TNN: variants seen among roughly 807,000 people sequenced by gnomAD.
TNN encodes tenascin N, also known as tenascin-N.
A neutral mutation model predicts 134.4 loss-of-function variants in TNN; 122 were observed. That is an observed-to-expected ratio of 0.91 (90% CI 0.78 to 1.06). The LOEUF is 1.06. Among genes scored for constraint, TNN ranks in the 50% least tolerant of loss-of-function variants. The probability of loss-of-function intolerance (pLI) is 0.00; values close to 1 mark genes in which losing one functional copy is unlikely to be tolerated. For synonymous variants in TNN, 710 were observed against 670.3 expected, an observed-to-expected ratio of 1.06 and a Z score of -0.91; for missense variants, 1,739 against 1,699.4, an observed-to-expected ratio of 1.02 and a Z score of -0.41.
At chr1:175,080,930 G>GACCT (rs1316220071) in intron 4 of TNN, among the ~76,000 whole-genome samples, 1 of 152,222 alleles carries the variant, frequency 6.6e-6, no homozygotes, top group Non-Finnish European at 1.5e-5. Context: ...GCATCAATAA[G>GACCT]GATACTCTCC....
chr1:175,087,350 C>T (rs1674341873), intron 6 of TNN, among the ~76,000 whole-genome samples: 2 of 152,152 alleles, frequency 1.3e-5, no homozygotes, highest in Admixed American at 1.3e-4. Context: ...GTGTTGAGTA[C>T]ATTTGCACTT....
intron 10 of TNN, among the ~76,000 whole-genome samples, 196 bp from the exon 11 acceptor site, chr1:175,118,365 G>A (rs1675240051): frequency 6.6e-6 from 1 of 152,118 alleles, no homozygotes; most frequent in Non-Finnish European, 1.5e-5. Flanking sequence ...CTGATCTATT[G>A]TGCTTTCTAC....
intron 1 of TNN, among the ~76,000 whole-genome samples, chr1:175,072,838 G>T (rs1279618720): frequency 6.6e-6 from 1 of 151,884 alleles, no homozygotes; most frequent in East Asian, 1.9e-4. Flanking sequence ...GGGACTTGTG[G>T]GAGTTCTCAT....
intron 18 of TNN, 61 bp downstream of exon 18, chr1:175,144,611 G>T (rs879073041): frequency 1.3e-6 from 2 of 1,554,950 alleles, no homozygotes; most frequent in Non-Finnish European, 8.7e-7. Flanking sequence ...CTTCCAAATG[G>T]ACACCCTCCA....
chr1:175,099,341 G>A (rs1175485105), intron 9 of TNN, among the ~76,000 whole-genome samples: 1 of 151,588 alleles, frequency 6.6e-6, no homozygotes, highest in East Asian at 1.9e-4. Flanking sequence ...GTGAGGACGG[G>A]CAGAAGTGAA....
intron 18 of TNN, among the ~76,000 whole-genome samples, chr1:175,145,914 T>C (rs1337890455): frequency 6.6e-6 from 1 of 152,152 alleles, no homozygotes; most frequent in Admixed American, 6.5e-5. Context: ...CCACAAACGC[T>C]GAGTCCCCAT....
At position 175,118,690 on chromosome 1, in the gene TNN, G is replaced by C. The variant is rs1374411606; in HGVS notation, c.2516G>C (p.Arg839Thr). The change falls in exon 11 of 19, where the codon AGG becomes ACG. Residue 839 changes from arginine to threonine, a missense_variant. Transcript: ENST00000239462. ...VHYTSANGET[R>T]EVPVGKEQSS... ...TACACGTCTGCCAACGGAGAGACCA[G>C]GGAGGTTCCAGTGGGGAAGGAGCAG... 2 of 1,614,258 alleles carry C rather than the reference G, an allele frequency of 1.2e-6. No individual in the cohort carries two copies. Among genetic ancestry groups the C allele is most frequent in the East Asian group, 4.5e-5 (2 of 44,888 alleles).
intron 10 of TNN, among the ~76,000 whole-genome samples, chr1:175,117,874 G>T (rs370620066): frequency 5.3e-5 from 8 of 152,326 alleles, no homozygotes; most frequent in African/African-American, 1.9e-4. Flanking sequence ...GATAAGGATA[G>T]CTCCTACGTT....
intron 10 of TNN, among the ~76,000 whole-genome samples, chr1:175,117,821 C>G (rs1447255795): frequency 6.6e-6 from 1 of 152,160 alleles, no homozygotes; most frequent in Non-Finnish European, 1.5e-5. Context: ...GGAGCGTATT[C>G]CTCTTGTTGA....
chr1:175,094,181 G>T lies in TNN; in HGVS notation c.1516G>T (p.Ala506Ser). ...TVLTGLKPGE[A>S]YKVYVWAERG... ...CCTGACGGGCCTGAAGCCAGGAGAGGCATACAAGGTCTACGTGTGGGCTGA... is the reference window on the plus strand; with the variant it reads ...CCTGACGGGCCTGAAGCCAGGAGAGTCATACAAGGTCTACGTGTGGGCTGA... The change falls in exon 7 of 19, where the codon GCA (alanine) becomes TCA (serine). Residue 506 changes from alanine to serine, a missense_variant. Ala to Ser is a moderately conservative substitution (Grantham distance 99). Coordinates refer to ENST00000239462, the MANE Select transcript of TNN (RefSeq NM_022093.2). The T allele has an allele frequency of 6.2e-7, 1 of 1,614,120 alleles. No individual in the cohort carries two copies. The highest frequency in any genetic ancestry group is 8.5e-7 in the Non-Finnish European group (1 of 1,179,998).
chr1:175,136,958 C>T lies in TNN; in HGVS notation c.3565C>T (p.Leu1189=), dbSNP rs767352038. 1 of 1,614,106 alleles carries T rather than the reference C, an allele frequency of 6.2e-7. No homozygotes were observed. Among genetic ancestry groups the T allele is most frequent in the Non-Finnish European group, 8.5e-7 (1 of 1,179,994 alleles). The change falls in exon 17 of 19, where the codon CTG becomes TTG. Residue 1189 remains leucine, a synonymous_variant. Transcript: ENST00000239462. ...GGCCTCCAGCAAGGAGCGGTATAAG[C>T]TGACAGTTGGGAAATACAGAGGCAC... is the stretch of plus-strand genomic sequence containing the variant. The part of the protein sequence containing the change: ...QVASSKERYK[L]TVGKYRGTAG...
intron 6 of TNN, among the ~76,000 whole-genome samples, chr1:175,087,356 C>G (rs1214307954): frequency 2.6e-5 from 4 of 152,186 alleles, no homozygotes; most frequent in African/African-American, 9.7e-5. Flanking sequence ...AGTACATTTG[C>G]ACTTTTCTCA....
At position 175,128,154 on chromosome 1, in the gene TNN, C is replaced by T. The variant is rs1675578535; in HGVS notation, c.3168C>T (p.Thr1056=). The change falls in exon 14 of 19, where the codon ACC becomes ACT. Residue 1056 remains threonine, a synonymous_variant. Transcript: ENST00000239462. The part of the protein sequence containing the change: ...GGRRSRNVST[T]LSTVGARFPH... ...GCCGGAGCAGAAATGTATCCACCAC[C>T]CTCTCCACAGGTAATATGGAATCCT... is the stretch of plus-strand genomic sequence containing the variant. The T allele has an allele frequency of 3.1e-6, 5 of 1,605,802 alleles. No individual in the cohort carries two copies. The highest frequency in any genetic ancestry group is 4.3e-6 in the Non-Finnish European group (5 of 1,176,092).
chr1:175,121,396 G>A (rs1675372471), intron 11 of TNN, among the ~76,000 whole-genome samples: 2 of 152,254 alleles, frequency 1.3e-5, no homozygotes. Context: ...GAGGGTGGAA[G>A]AGCAAGTGGC....
chr1:175,077,238 A>C, intron 1 of TNN, 146 bp from the exon 2 acceptor site: 4 of 671,432 alleles, frequency 6.0e-6, no homozygotes, highest in Non-Finnish European at 1.0e-5. Context: ...AACAGAAAGT[A>C]ATTTGGTTCG....
chr1:175,099,695 C>T (rs558551445), intron 9 of TNN, among the ~76,000 whole-genome samples: 2 of 151,880 alleles, frequency 1.3e-5, no homozygotes, highest in East Asian at 3.9e-4. Context: ...GAGAATAGAG[C>T]CCAGGGGTTA....
At chr1:175,102,925 A>G (rs994708993) in intron 9 of TNN, among the ~76,000 whole-genome samples, 1 of 146,104 alleles carries the variant, frequency 6.8e-6, no homozygotes, top group African/African-American at 2.5e-5. Context: ...TGACCACTCT[A>G]GCTACTTCCT....
chr1:175,129,800 T>C (rs1465871033), intron 15 of TNN, among the ~76,000 whole-genome samples: 3 of 152,272 alleles, frequency 2.0e-5, no homozygotes, highest in Admixed American at 6.5e-5. Flanking sequence ...AAGATGCGAA[T>C]GCATAGCCTG....
At chr1:175,099,581 G>A (rs1674665016) in intron 9 of TNN, among the ~76,000 whole-genome samples, 1 of 93,398 alleles carries the variant, frequency 1.1e-5, no homozygotes, top group African/African-American at 4.1e-5. Flanking sequence ...GAGGAGAGAT[G>A]AGGGCTCAGG....
Sources: gnomAD v4.1 joint callset for allele counts (sites outside exome capture counted in the v4.1 genomes callset) on GRCh38, gnomAD v4.1.1 for gene constraint, MANE v1.5 for transcripts, NCBI Gene and HGNC (gene_info 2026-07-23, HGNC 2026-07-21) for gene names.